EPS8: variants seen among roughly 807,000 people sequenced by gnomAD.
EPS8 encodes the protein EGFR pathway substrate 8, signaling adaptor, also known as epidermal growth factor receptor kinase substrate 8.
A neutral mutation model predicts 103.8 loss-of-function variants in EPS8; 42 were observed. That is an observed-to-expected ratio of 0.40 (90% CI 0.32 to 0.52). The LOEUF is 0.52. Ranked by LOEUF, EPS8 falls within the 20% of genes least tolerant of loss-of-function variation. EPS8 has a pLI of 0.40. For missense variants in EPS8, 969 were observed against 1,005.1 expected, an observed-to-expected ratio of 0.96 and a Z score of 0.49; for synonymous variants, 344 against 344.6, an observed-to-expected ratio of 1.00 and a Z score of 0.02.
At chr12:15,682,383 A>G (rs571178719) in intron 2 of EPS8, among the ~76,000 whole-genome samples, 2 of 152,252 alleles carry the variant, frequency 1.3e-5, no homozygotes, top group Non-Finnish European at 2.9e-5. Flanking sequence ...ATCGTAATAC[A>G]TAAGACAATG....
At position 15,772,675 on chromosome 12, in the gene EPS8, C is replaced by T. The variant is rs1271649893; in HGVS notation, c.-22+16486G>A. On this transcript the variant is annotated intron_variant, in intron 1 of 20. Coordinates refer to ENST00000281172, the MANE Select transcript of EPS8 (RefSeq NM_004447.6). This position sits in a 1 kb window ranked among gnomAD's most constrained non-coding sequence, Gnocchi z 5.0. ...TATTCCATCCCAAGTAGCAGAGCTT[C>T]TGAATCAACATCTAAGTGTAGATGG... Among the ~76,000 whole-genome samples, 3 of 152,274 alleles carry T rather than the reference C, an allele frequency of 2.0e-5. No individual in the cohort carries two copies. Among genetic ancestry groups the T allele is most frequent in the Admixed American group, 2.0e-4 (3 of 15,288 alleles).
intron 3 of EPS8, among the ~76,000 whole-genome samples, chr12:15,673,744 A>G (rs954111133): frequency 1.6e-4 from 24 of 152,216 alleles, no homozygotes; most frequent in African/African-American, 5.8e-4. Context: ...TAATAAATTC[A>G]TGAATAAACA....
rs1234084353 is a variant in EPS8 at position 15,776,664 on chromosome 12, A to C, written c.-22+12497T>G. The stretch of plus-strand genomic sequence containing the variant: ...TGAATACTTATTCAATATACACTTA[A>C]ATAATATATTGTTCCTTACAGCATA... On this transcript the variant is annotated intron_variant, in intron 1 of 20. Transcript: ENST00000281172. This position sits in a 1 kb window ranked among gnomAD's most constrained non-coding sequence, Gnocchi z 4.2. Among the ~76,000 whole-genome samples, 2 of 152,204 alleles carry C rather than the reference A, an allele frequency of 1.3e-5. No individual in the cohort carries two copies. The highest frequency in any genetic ancestry group is 4.8e-5 in the African/African-American group (2 of 41,434).
At chr12:15,621,518 T>C (rs906019255) in intron 20 of EPS8, 88 bp from the exon 21 acceptor site, 3 of 685,626 alleles carry the variant, frequency 4.4e-6, no homozygotes, top group Non-Finnish European at 7.2e-6. Context: ...AAAATTCTAC[T>C]GTGGTTTTCT....
In EPS8 at chr12:15,620,506, C is replaced by T. The variant is rs1365548848; in HGVS notation, c.*811G>A. ...CCCACTTCCTTTTAACTACTCATATCAACATTCAGAACTGAGGCTTTCATT... is the reference window on the plus strand; with the variant it reads ...CCCACTTCCTTTTAACTACTCATATTAACATTCAGAACTGAGGCTTTCATT... On this transcript the variant is annotated 3_prime_UTR_variant, in exon 21 of 21. Transcript: ENST00000281172. 6.6e-6 allele frequency: 1 copy of T among 152,596 alleles called. No homozygotes were observed. Among genetic ancestry groups the T allele is most frequent in the African/African-American group, 2.4e-5 (1 of 41,454 alleles). 9.5% of individuals were successfully genotyped at this position (152,596 alleles called of 1,614,324 possible). A position where few individuals can be genotyped will look rare whatever the true frequency, so the allele number is the denominator to read the frequency against.
At chr12:15,774,989 A>T (rs1947193777) in intron 1 of EPS8, among the ~76,000 whole-genome samples, 1 of 152,122 alleles carries the variant, frequency 6.6e-6, no homozygotes, top group Admixed American at 6.6e-5. Context: ...TGAATCTTTC[A>T]TTCATAGTAG....
At chr12:15,634,180 C>T (rs1250343261) in intron 17 of EPS8, among the ~76,000 whole-genome samples, 1 of 152,170 alleles carries the variant, frequency 6.6e-6, no homozygotes, top group Non-Finnish European at 1.5e-5. Flanking sequence ...CTGAAAGTTC[C>T]ACATCTTCAC....
At chr12:15,711,804 T>C (rs1223677121) in intron 1 of EPS8, among the ~76,000 whole-genome samples, 1 of 152,134 alleles carries the variant, frequency 6.6e-6, no homozygotes, top group Non-Finnish European at 1.5e-5. Flanking sequence ...ATAGTGACAT[T>C]ACAAGAAAAT....
chr12:15,625,570 T>C (rs2135714920), intron 18 of EPS8, among the ~76,000 whole-genome samples: 1 of 152,302 alleles, frequency 6.6e-6, no homozygotes, highest in East Asian at 1.9e-4. Context: ...ATCTCTCTAC[T>C]ACACTTTGCT....
rs1946198347 is a variant in EPS8, at chr12:15,693,232, A to C, written c.-21-10260T>G. 6.6e-6 allele frequency among the ~76,000 whole-genome samples: 1 copy of C among 152,212 alleles called. No homozygotes were observed. The highest frequency in any genetic ancestry group is 1.5e-5 in the Non-Finnish European group (1 of 68,040). On this transcript the variant is annotated intron_variant, in intron 1 of 20. Transcript: ENST00000281172. This position sits in a 1 kb window ranked among gnomAD's most constrained non-coding sequence, Gnocchi z 5.6. ...TATCTTCCCATTCCATGTTTAGAGA[A>C]TGTAAAGCTGACTGCCAAAACTTTG...
Position 15,747,434 on chromosome 12 carries a change from T to C in EPS8, c.-22+41727A>G, listed in dbSNP as rs1007145851. On this transcript the variant is annotated intron_variant, in intron 1 of 20. Coordinates refer to ENST00000281172, the MANE Select transcript of EPS8 (RefSeq NM_004447.6). The surrounding 1 kb of genome is among the most constrained non-coding windows in gnomAD (Gnocchi z 4.4). ...ATCTGTTTTTCAAACCAAAATGCAC[T>C]ATTTTAGGAGCAGCTGGTTAGTTCC... 2.0e-5 allele frequency among the ~76,000 whole-genome samples: 3 copies of C among 152,228 alleles called. No homozygotes were observed. Among genetic ancestry groups the C allele is most frequent in the Non-Finnish European group, 4.4e-5 (3 of 68,044 alleles).
chr12:15,713,216 C>A lies in EPS8; in HGVS notation c.-21-30244G>T, dbSNP rs930559561. 7.8e-5 allele frequency: 12 copies of A among 153,832 alleles called. No individual in the cohort carries two copies. The highest frequency in any genetic ancestry group is 2.9e-4 in the African/African-American group (12 of 41,520). The allele number at this position is 153,832 out of a possible 1,614,324, so 9.5% of individuals were successfully genotyped here. A position where few individuals can be genotyped will look rare whatever the true frequency, so the allele number is the denominator to read the frequency against. On this transcript the variant is annotated intron_variant, in intron 1 of 20. Coordinates refer to ENST00000281172, the MANE Select transcript of EPS8 (RefSeq NM_004447.6). The surrounding 1 kb of genome is among the most constrained non-coding windows in gnomAD (Gnocchi z 4.8). ...ATATACACAGACACCATTATTACTC[C>A]CATTTTAGAGAGGTAGAATCTGAGA...
At chr12:15,663,935 A>ATAATAATAATAATAAT (rs1248656121) in intron 8 of EPS8, among the ~76,000 whole-genome samples, 1 of 11,104 alleles carries the variant, frequency 9.0e-5, no homozygotes, top group Non-Finnish European at 2.9e-4. Flanking sequence ...AAAAAAAAAA[A>ATAATAATAATAATAAT]AAAAAAAAAA....
In EPS8 at chr12:15,752,515, T is replaced by A. The variant is rs1459762688; in HGVS notation, c.-22+36646A>T. On this transcript the variant is annotated intron_variant, in intron 1 of 20. Coordinates refer to ENST00000281172, the MANE Select transcript of EPS8 (RefSeq NM_004447.6). This position sits in a 1 kb window ranked among gnomAD's most constrained non-coding sequence, Gnocchi z 4.4. ...AAGAGCTGGCCCCTCTAGCCTAAGT[T>A]GAGCCTTTTAGCAGGAGTGAAATAT... is the stretch of plus-strand genomic sequence containing the variant. 6.6e-6 allele frequency among the ~76,000 whole-genome samples: 1 copy of A among 151,888 alleles called. No homozygotes were observed. The highest frequency in any genetic ancestry group is 2.4e-5 in the African/African-American group (1 of 41,366).
At chr12:15,654,800 G>A (rs1451096470) in intron 12 of EPS8, among the ~76,000 whole-genome samples, 4 of 152,110 alleles carry the variant, frequency 2.6e-5, no homozygotes, top group African/African-American at 4.8e-5. Context: ...GGCAAAACAG[G>A]AATGAGAACT....
At chr12:15,670,813 T>C in intron 4 of EPS8, 43 bp downstream of exon 4, 2 of 1,362,130 alleles carry the variant, frequency 1.5e-6, no homozygotes, top group East Asian at 4.6e-5. Context: ...TTTATGTTCC[T>C]CAAGGGTCAC....
intron 1 of EPS8, chr12:15,683,214 A>C: frequency 3.6e-6 from 1 of 277,052 alleles, no homozygotes; most frequent in South Asian, 9.4e-5. Flanking sequence ...GAACAAAAGA[A>C]AAATCTAAAA....
At position 15,772,092 on chromosome 12, in the gene EPS8, G is replaced by A. The variant is rs574386994; in HGVS notation, c.-22+17069C>T. 6.6e-5 allele frequency among the ~76,000 whole-genome samples: 10 copies of A among 152,266 alleles called. No individual in the cohort carries two copies. The South Asian group carries it at 1.2e-3, about 19-fold the overall frequency. ...TTAACATGATTAGCAGTGAGAGACG[G>A]AAGAGGAGAGTGCTCTATCAGCCAT... On this transcript the variant is annotated intron_variant, in intron 1 of 20. Coordinates refer to ENST00000281172, the MANE Select transcript of EPS8 (RefSeq NM_004447.6). The surrounding 1 kb of genome is among the most constrained non-coding windows in gnomAD (Gnocchi z 5.0).
rs183370883 is a variant in EPS8, at chr12:15,752,230, G to A, written c.-22+36931C>T. ...TGGGAGGCCGAGGCAGGCGGATCAC[G>A]AGGTCAGGAGATCGAGACCATCCTG... On this transcript the variant is annotated intron_variant, in intron 1 of 20. Coordinates refer to ENST00000281172, the MANE Select transcript of EPS8 (RefSeq NM_004447.6). This position sits in a 1 kb window ranked among gnomAD's most constrained non-coding sequence, Gnocchi z 4.4. Among the ~76,000 whole-genome samples the A allele has an allele frequency of 5.2e-4, 79 of 152,182 alleles. No individual in the cohort carries two copies. The highest frequency in any genetic ancestry group is 9.2e-4 in the Admixed American group (14 of 15,284).
Sources: gnomAD v4.1 joint callset for allele counts (sites outside exome capture counted in the v4.1 genomes callset) on GRCh38, gnomAD v4.1.1 for gene constraint, Gnocchi (gnomAD v3.1) non-coding constraint, MANE v1.5 for transcripts, NCBI Gene and HGNC (gene_info 2026-07-23, HGNC 2026-07-21) for gene names.